PHLPP1: variants seen among roughly 807,000 people sequenced by gnomAD.
PHLPP1 encodes PH domain and leucine rich repeat protein phosphatase 1.
A neutral mutation model predicts 117.2 loss-of-function variants in PHLPP1; 42 were observed. The observed-to-expected ratio is 0.36, with a 90% confidence interval of 0.28 to 0.46. PHLPP1 has a LOEUF of 0.46. Ranked by LOEUF, PHLPP1 falls within the 20% of genes least tolerant of loss-of-function variation. The pLI, the probability that PHLPP1 is intolerant of heterozygous loss-of-function variation, is 1.00. For missense variants in PHLPP1, 2,084 were observed against 2,241.9 expected (o/e 0.93, Z 1.42); for synonymous variants, 1,042 against 970.7 (o/e 1.07, Z -1.37).
chr18:62,719,264 G>A (rs1299578952), intron 1 of PHLPP1, among the ~76,000 whole-genome samples: 1 of 152,184 alleles, frequency 6.6e-6, no homozygotes, highest in Non-Finnish European at 1.5e-5. Flanking sequence ...ATGCCTGATT[G>A]TTGCGAAGTT....
intron 10 of PHLPP1, among the ~76,000 whole-genome samples, chr18:62,923,623 A>G (rs1259861323): frequency 6.6e-6 from 1 of 152,206 alleles, no homozygotes; most frequent in Non-Finnish European, 1.5e-5. Flanking sequence ...TATTGCCTTT[A>G]AAGGTTAATA....
intron 4 of PHLPP1, among the ~76,000 whole-genome samples, chr18:62,869,017 T>C (rs1915834690): frequency 6.6e-6 from 1 of 152,248 alleles, no homozygotes; most frequent in Non-Finnish European, 1.5e-5. Flanking sequence ...AGAAGAATCA[T>C]TGAGAATACT....
chr18:62,978,887 C>T lies in PHLPP1; in HGVS notation c.4610C>T (p.Ser1537Phe). Reference protein sequence around the residue: ...FQRQLSSATFSSAFSDNGLDS... With the variant: ...FQRQLSSATFFSAFSDNGLDS... ...CGCCAGCTATCCAGCGCCACGTTCT[C>T]TAGCGCCTTCTCCGACAACGGCCTT... The change falls in exon 17 of 17, where the codon TCT (serine) becomes TTT (phenylalanine). Residue 1537 changes from serine to phenylalanine, a missense_variant. Ser to Phe is a radical substitution (Grantham distance 155). Transcript: ENST00000262719. This position sits in a 1 kb window ranked among gnomAD's most constrained non-coding sequence, Gnocchi z 7.0. The T allele has an allele frequency of 5.6e-6, 9 of 1,607,030 alleles. No individual in the cohort carries two copies. The highest frequency in any genetic ancestry group is 1.1e-5 in the South Asian group (1 of 89,718).
intron 10 of PHLPP1, among the ~76,000 whole-genome samples, chr18:62,926,133 A>G (rs907650781): frequency 6.6e-6 from 1 of 152,068 alleles, no homozygotes; most frequent in African/African-American, 2.4e-5. Flanking sequence ...TCAACTGACA[A>G]TTTTTTCAAA....
chr18:62,834,878 A>C (rs1914848639), intron 2 of PHLPP1, among the ~76,000 whole-genome samples: 2 of 147,934 alleles, frequency 1.4e-5, no homozygotes, highest in African/African-American at 5.0e-5. Flanking sequence ...ACCCTCTCCC[A>C]CTCCTCTCCA....
At chr18:62,773,164 T>C (rs926272981) in intron 1 of PHLPP1, among the ~76,000 whole-genome samples, 2 of 152,210 alleles carry the variant, frequency 1.3e-5, no homozygotes, top group Non-Finnish European at 2.9e-5. Flanking sequence ...ATTTAAACTT[T>C]AGTTTCTGTG....
At chr18:62,873,829 A>C (rs1203672213) in intron 4 of PHLPP1, among the ~76,000 whole-genome samples, 4 of 152,230 alleles carry the variant, frequency 2.6e-5, no homozygotes, top group Admixed American at 2.0e-4. Flanking sequence ...TACTAAATAA[A>C]GATCAAAACG....
At chr18:62,888,300 TGTGTGTG>T (rs1916330735) in intron 4 of PHLPP1, among the ~76,000 whole-genome samples, 1 of 146,606 alleles carries the variant, frequency 6.8e-6, no homozygotes, top group East Asian at 2.1e-4. Flanking sequence ...TGTGTGTGTG[TGTGTGTG>T]TGTGTGTGTG....
At chr18:62,812,920 A>G (rs1450244109) in intron 1 of PHLPP1, among the ~76,000 whole-genome samples, 2 of 152,210 alleles carry the variant, frequency 1.3e-5, no homozygotes, top group Non-Finnish European at 2.9e-5. Context: ...GACAGCAACA[A>G]GAAGTTAGTG....
chr18:62,792,930 T>C (rs1318807255), intron 1 of PHLPP1, among the ~76,000 whole-genome samples: 1 of 148,454 alleles, frequency 6.7e-6, no homozygotes, highest in Non-Finnish European at 1.5e-5. Context: ...ATCCCAGCAC[T>C]TTGGGAGGCT....
rs191528885 is a variant in PHLPP1, at chr18:62,935,346, C to T, written c.2961-6372C>T. On this transcript the variant is annotated intron_variant, in intron 10 of 16. Coordinates refer to ENST00000262719, the MANE Select transcript of PHLPP1 (RefSeq NM_194449.4). ...ATGTGCAAAAACTGTATGAATAAAA[C>T]GTTAAAACACTTCTGAAATTTGCAA... is the stretch of plus-strand genomic sequence containing the variant. Among the ~76,000 whole-genome samples, 12 of 152,212 alleles carry T rather than the reference C, an allele frequency of 7.9e-5. No individual in the cohort carries two copies. In the East Asian group the frequency reaches 1.3e-3, roughly 17 times the overall value.
intron 1 of PHLPP1, among the ~76,000 whole-genome samples, chr18:62,724,511 G>A (rs1483911619): frequency 6.6e-6 from 1 of 152,158 alleles, no homozygotes; most frequent in Non-Finnish European, 1.5e-5. Context: ...AACCTGTGAG[G>A]TAAAGAATCT....
In PHLPP1 at chr18:62,945,220, C is replaced by T. The variant is rs1177820871; in HGVS notation, c.3273C>T (p.His1091=). ...GGCGCATGCACACCGTGATTGCTCACTCCAACTGCATCGAGGTCTTTCCCG... is the reference window on the plus strand; with the variant it reads ...GGCGCATGCACACCGTGATTGCTCATTCCAACTGCATCGAGGTCTTTCCCG... The part of the protein sequence containing the change: ...NCRRMHTVIA[H]SNCIEVFPEV... The change falls in exon 12 of 17, where the codon CAC becomes CAT. Residue 1091 remains histidine, a synonymous_variant. Transcript: ENST00000262719. The T allele has an allele frequency of 6.2e-7, 1 of 1,611,612 alleles. No homozygotes were observed. The highest frequency in any genetic ancestry group is 8.5e-7 in the Non-Finnish European group (1 of 1,179,158).
intron 10 of PHLPP1, among the ~76,000 whole-genome samples, chr18:62,932,112 A>G (rs1909831086): frequency 6.6e-6 from 1 of 152,148 alleles, no homozygotes. Context: ...GAGTTACAAA[A>G]TTGAGTCAAT....
At chr18:62,760,989 A>G (rs887324259) in intron 1 of PHLPP1, among the ~76,000 whole-genome samples, 1 of 152,014 alleles carries the variant, frequency 6.6e-6, no homozygotes, top group African/African-American at 2.4e-5. Flanking sequence ...CCTCCCAAGT[A>G]GCTGGGACTA....
intron 7 of PHLPP1, 108 bp from the exon 8 acceptor site, chr18:62,905,116 A>C (rs1916813215): frequency 1.8e-6 from 1 of 560,464 alleles, no homozygotes; most frequent in African/African-American, 1.9e-5. Context: ...TTCCTAAACT[A>C]AACAAACAAT....
At chr18:62,819,769 C>G (rs1914395584) in intron 1 of PHLPP1, among the ~76,000 whole-genome samples, 1 of 152,150 alleles carries the variant, frequency 6.6e-6, no homozygotes, top group African/African-American at 2.4e-5. Flanking sequence ...CCTCAGCCTC[C>G]CGAGTAGCTG....
intron 10 of PHLPP1, among the ~76,000 whole-genome samples, chr18:62,935,027 G>A (rs925428983): frequency 6.6e-6 from 1 of 152,120 alleles, no homozygotes; most frequent in Non-Finnish European, 1.5e-5. Context: ...AGATATATTA[G>A]CCAGGTAATT....
intron 3 of PHLPP1, among the ~76,000 whole-genome samples, chr18:62,855,935 T>C (rs1030946868): frequency 6.6e-6 from 1 of 152,216 alleles, no homozygotes; most frequent in Non-Finnish European, 1.5e-5. Context: ...TCCTCCCAAG[T>C]ACTCAACGTG....
Sources: gnomAD v4.1 joint callset for allele counts (sites outside exome capture counted in the v4.1 genomes callset) on GRCh38, gnomAD v4.1.1 for gene constraint, Gnocchi (gnomAD v3.1) non-coding constraint, MANE v1.5 for transcripts, NCBI Gene and HGNC (gene_info 2026-07-23, HGNC 2026-07-21) for gene names.